CDYL2: variants seen among roughly 807,000 people sequenced by gnomAD.
The protein encoded by CDYL2 is chromodomain Y like 2, also known as chromodomain Y-like protein 2.
CDYL2 carries 23 observed loss-of-function variants against 49.4 expected under a neutral mutation model. That is an observed-to-expected ratio of 0.47 (90% CI 0.34 to 0.66). The LOEUF (loss-of-function observed/expected upper bound fraction) is 0.66. Ranked by LOEUF, CDYL2 falls within the 30% of genes least tolerant of loss-of-function variation. The pLI, the probability that CDYL2 is intolerant of heterozygous loss-of-function variation, is 0.01. For synonymous variants in CDYL2, 360 were observed against 268.8 expected (o/e 1.34, Z -3.32); for missense variants, 678 against 656.4 (o/e 1.03, Z -0.36).
In CDYL2 at chr16:80,771,844, C is replaced by A. The variant is rs540608239; in HGVS notation, c.24+32306G>T. ...TTTAAGACAAACTAGACACTAGAAA[C>A]CAGATTTAAAAATTAGTGGATTATG... is the stretch of plus-strand genomic sequence containing the variant. On this transcript the variant is annotated intron_variant, in intron 1 of 6. Transcript: ENST00000570137. Among the ~76,000 whole-genome samples the A allele has an allele frequency of 2.6e-5, 4 of 151,832 alleles. No homozygotes were observed. The East Asian group carries it at 7.7e-4, about 29-fold the overall frequency.
chr16:80,774,131 A>C (rs1186774042), intron 1 of CDYL2, among the ~76,000 whole-genome samples: 1 of 152,194 alleles, frequency 6.6e-6, no homozygotes, highest in African/African-American at 2.4e-5. Flanking sequence ...AGGAAGAAAA[A>C]TACACAAGGA....
At chr16:80,773,863 A>T (rs1906991190) in intron 1 of CDYL2, among the ~76,000 whole-genome samples, 2 of 152,044 alleles carry the variant, frequency 1.3e-5, no homozygotes, top group Admixed American at 6.6e-5. Flanking sequence ...CATGTCAAGA[A>T]TTTTTTTAAT....
intron 1 of CDYL2, among the ~76,000 whole-genome samples, chr16:80,685,413 T>C (rs1910151953): frequency 1.3e-5 from 2 of 152,228 alleles, no homozygotes; most frequent in Non-Finnish European, 2.9e-5. Context: ...CCATCCAGGC[T>C]TACTTTTATT....
intron 1 of CDYL2, among the ~76,000 whole-genome samples, chr16:80,780,937 G>A (rs1200132772): frequency 6.6e-6 from 1 of 152,120 alleles, no homozygotes; most frequent in Non-Finnish European, 1.5e-5. Flanking sequence ...TCAAAAAAAT[G>A]GCTCAATCTC....
intron 1 of CDYL2, among the ~76,000 whole-genome samples, chr16:80,792,790 G>T (rs1907651613): frequency 6.6e-6 from 1 of 152,100 alleles, no homozygotes; most frequent in African/African-American, 2.4e-5. Context: ...GCTGCCAAAA[G>T]CTCACAGATG....
chr16:80,775,948 A>C (rs546227910), intron 1 of CDYL2, among the ~76,000 whole-genome samples: 1 of 151,872 alleles, frequency 6.6e-6, no homozygotes, highest in Non-Finnish European at 1.5e-5. Context: ...TTGGTCATAC[A>C]TTATTAGGTC....
chr16:80,704,119 T>C lies in CDYL2; in HGVS notation c.25-18990A>G, dbSNP rs190981121. On this transcript the variant is annotated intron_variant, in intron 1 of 6. Transcript: ENST00000570137. ...GAGGTCAGTGAGGTACATTAGATGG[T>C]GCTTTCTGAAACCTCATTAACCAAC... Among the ~76,000 whole-genome samples the C allele has an allele frequency of 3.9e-5, 6 of 152,322 alleles. No homozygotes were observed. In the East Asian group the frequency reaches 1.2e-3, roughly 29 times the overall value.
At chr16:80,640,963 GC>G (rs1908059287) in intron 2 of CDYL2, among the ~76,000 whole-genome samples, 1 of 152,164 alleles carries the variant, frequency 6.6e-6, no homozygotes, top group Non-Finnish European at 1.5e-5. Flanking sequence ...CTAGAAAATA[GC>G]CTCAAAAGGG....
In CDYL2 at chr16:80,612,384, G is replaced by T. The variant is rs1906637707; in HGVS notation, c.1218+242C>A. Among the ~76,000 whole-genome samples the T allele has an allele frequency of 1.3e-5, 2 of 152,166 alleles. No homozygotes were observed. Among genetic ancestry groups the T allele is most frequent in the African/African-American group, 4.8e-5 (2 of 41,436 alleles). ...GCCAATCCTAAGACACGCCTTCAGG[G>T]GGTTGGAGTGAGGAATAATTGAGAC... On this transcript the variant is annotated intron_variant, in intron 5 of 6. Transcript: ENST00000570137. This position sits in a 1 kb window ranked among gnomAD's most constrained non-coding sequence, Gnocchi z 5.0.
chr16:80,768,490 C>A (rs1017435292), intron 1 of CDYL2, among the ~76,000 whole-genome samples: 1 of 152,160 alleles, frequency 6.6e-6, no homozygotes, highest in Non-Finnish European at 1.5e-5. Context: ...AAGATCAAGG[C>A]CCCAGTGGAT....
chr16:80,794,214 T>C (rs62052147), intron 1 of CDYL2, among the ~76,000 whole-genome samples: 316 of 152,290 alleles, frequency 2.1e-3, no homozygotes, highest in Non-Finnish European at 3.9e-3. Context: ...TGATACAAAG[T>C]GTTACACATT....
chr16:80,668,895 T>A (rs995753961), intron 2 of CDYL2, among the ~76,000 whole-genome samples: 3 of 151,842 alleles, frequency 2.0e-5, no homozygotes, highest in African/African-American at 7.3e-5. Context: ...TCAGACACCA[T>A]CTCAAATAAT....
chr16:80,784,268 T>C (rs1907362110), intron 1 of CDYL2, among the ~76,000 whole-genome samples: 1 of 152,222 alleles, frequency 6.6e-6, no homozygotes, highest in Non-Finnish European at 1.5e-5. Context: ...TTACTCTTCT[T>C]TGTTTTTAAT....
chr16:80,752,725 G>C (rs1230420016), intron 1 of CDYL2, among the ~76,000 whole-genome samples: 2 of 152,214 alleles, frequency 1.3e-5, no homozygotes, highest in Non-Finnish European at 2.9e-5. Context: ...GTTTAACAAA[G>C]CGGGAAAGCT....
intron 2 of CDYL2, among the ~76,000 whole-genome samples, chr16:80,634,622 C>A (rs1447197425): frequency 6.6e-6 from 1 of 151,642 alleles, no homozygotes; most frequent in Non-Finnish European, 1.5e-5. Flanking sequence ...GCACATGTAC[C>A]CTAGAACTTA....
intron 1 of CDYL2, among the ~76,000 whole-genome samples, chr16:80,767,751 G>T (rs1432813182): frequency 6.6e-6 from 1 of 152,166 alleles, no homozygotes; most frequent in Non-Finnish European, 1.5e-5. Flanking sequence ...TGGCAGAGTA[G>T]TCATTCTGCC....
chr16:80,623,509 C>T (rs912029855), intron 3 of CDYL2, among the ~76,000 whole-genome samples: 2 of 152,280 alleles, frequency 1.3e-5, no homozygotes, highest in Non-Finnish European at 2.9e-5. Flanking sequence ...CTTAGACCAG[C>T]AGCTTCACAT....
At chr16:80,768,588 C>A (rs751259219) in intron 1 of CDYL2, among the ~76,000 whole-genome samples, 2 of 152,148 alleles carry the variant, frequency 1.3e-5, no homozygotes, top group African/African-American at 2.4e-5. Flanking sequence ...GTCCCTCTAG[C>A]CTCTCTATAA....
At chr16:80,776,580 T>A (rs1000445851) in intron 1 of CDYL2, among the ~76,000 whole-genome samples, 2 of 150,276 alleles carry the variant, frequency 1.3e-5, no homozygotes, top group Non-Finnish European at 3.0e-5. Flanking sequence ...TTATATACTG[T>A]AATTTTTGTA....
Sources: allele counts gnomAD v4.1 joint callset (sites outside exome capture counted in the v4.1 genomes callset), GRCh38; gene constraint gnomAD v4.1.1; non-coding constraint Gnocchi (gnomAD v3.1); transcripts MANE v1.5; gene names NCBI Gene and HGNC (gene_info 2026-07-23, HGNC 2026-07-21).